The following MEIKIN variants were observed in gnomAD, a reference collection of about 807,000 sequenced individuals.
MEIKIN encodes the protein meiotic kinetochore factor.
At chr5:131,931,314 G>C (rs1370771625) in intron 5 of MEIKIN, among the ~76,000 whole-genome samples, 5 of 152,208 alleles carry the variant, frequency 3.3e-5, no homozygotes, top group African/African-American at 4.8e-5. Flanking sequence ...TCTCTCCCGA[G>C]GGAGAAGCTG....
chr5:131,918,038 C>T lies in MEIKIN; in HGVS notation c.599-1113G>A, dbSNP rs183831096. ...ACTGGTTCAGGGTAAGGCATATAAA[C>T]TAATGAAGCCCATGTGTAAGGTCCA... is the stretch of plus-strand genomic sequence containing the variant. On this transcript the variant is annotated intron_variant, in intron 6 of 12. Coordinates refer to ENST00000442687, the MANE Select transcript of MEIKIN (RefSeq NM_001303622.2). 2.9e-3 allele frequency among the ~76,000 whole-genome samples: 443 copies of T among 152,292 alleles called. 1 individual carries two copies. Among genetic ancestry groups the T allele is most frequent in the Middle Eastern group, 0.01 (3 of 294 alleles).
chr5:131,890,610 C>A (rs946392807), intron 8 of MEIKIN, among the ~76,000 whole-genome samples: 13 of 151,984 alleles, frequency 8.6e-5, no homozygotes, highest in African/African-American at 2.2e-4. Flanking sequence ...TCTCTCTTTT[C>A]TTCTTTATTA....
At chr5:131,882,679 A>G (rs984853057) in intron 8 of MEIKIN, among the ~76,000 whole-genome samples, 2 of 152,228 alleles carry the variant, frequency 1.3e-5, no homozygotes, top group African/African-American at 4.8e-5. Context: ...AATAAAATCC[A>G]TAGTCCTTAC....
intron 4 of MEIKIN, among the ~76,000 whole-genome samples, chr5:131,941,556 TG>T (rs1475347071): frequency 6.6e-6 from 1 of 152,174 alleles, no homozygotes; most frequent in Non-Finnish European, 1.5e-5. Context: ...TTCCTGCTGT[TG>T]ATATGTTCAT....
At chr5:131,837,030 T>C (rs374471363) in intron 11 of MEIKIN, among the ~76,000 whole-genome samples, 1 of 152,318 alleles carries the variant, frequency 6.6e-6, no homozygotes, top group African/African-American at 2.4e-5. Context: ...TCAATCCATC[T>C]CGAGTTGATT....
At chr5:131,813,916 C>A (rs1441116058) in intron 12 of MEIKIN, among the ~76,000 whole-genome samples, 1 of 152,112 alleles carries the variant, frequency 6.6e-6, no homozygotes, top group African/African-American at 2.4e-5. Context: ...TCTGCAAGCT[C>A]AGGAGCAAGG....
chr5:131,888,462 G>A (rs1750842374), intron 8 of MEIKIN, among the ~76,000 whole-genome samples: 1 of 152,188 alleles, frequency 6.6e-6, no homozygotes, highest in Non-Finnish European at 1.5e-5. Flanking sequence ...GATGGCCAGT[G>A]ATGATGAGCA....
At position 131,941,142 on chromosome 5, in the gene MEIKIN, C is replaced by CTTTT. The variant is rs397999274; in HGVS notation, c.349+1489_349+1492dup. Among the ~76,000 whole-genome samples the CTTTT allele has an allele frequency of 8.6e-3, 516 of 59,744 alleles. 63 individuals are homozygous for CTTTT. The highest frequency in any genetic ancestry group is 0.018 in the African/African-American group (237 of 13,108). The allele number at this position is 59,744 out of a possible 152,430, so 39.2% of individuals were successfully genotyped here. A position where few individuals can be genotyped will look rare whatever the true frequency, so the allele number is the denominator to read the frequency against. ...TTGACAATTCCTTCAAGATCTCTTC[C>CTTTT]TTTTTTTTTTTTTTTTTTTTTTTTT... is the stretch of plus-strand genomic sequence containing the variant. On this transcript the variant is annotated intron_variant, in intron 4 of 12. Coordinates refer to ENST00000442687, the MANE Select transcript of MEIKIN (RefSeq NM_001303622.2).
At chr5:131,839,372 T>A (rs1749865471) in intron 11 of MEIKIN, among the ~76,000 whole-genome samples, 1 of 152,182 alleles carries the variant, frequency 6.6e-6, no homozygotes, top group African/African-American at 2.4e-5. Flanking sequence ...TCAGGTCCAT[T>A]TGATCCAGTG....
intron 4 of MEIKIN, among the ~76,000 whole-genome samples, chr5:131,937,858 T>A (rs1027204257): frequency 6.6e-6 from 1 of 152,096 alleles, no homozygotes; most frequent in African/African-American, 2.4e-5. Flanking sequence ...TAACTTGGTG[T>A]GGTTTTTTTT....
intron 8 of MEIKIN, among the ~76,000 whole-genome samples, chr5:131,909,167 T>C (rs1198606563): frequency 1.3e-5 from 2 of 152,174 alleles, no homozygotes; most frequent in African/African-American, 2.4e-5. Context: ...CTTTAAATTA[T>C]ACTATGGCGC....
intron 11 of MEIKIN, among the ~76,000 whole-genome samples, chr5:131,835,289 T>C (rs1749787526): frequency 6.6e-6 from 1 of 151,962 alleles, no homozygotes; most frequent in South Asian, 2.1e-4. Context: ...GATATGTGGT[T>C]TGCAAATATT....
chr5:131,918,402 C>T (rs1370412115), intron 6 of MEIKIN, among the ~76,000 whole-genome samples: 1 of 152,156 alleles, frequency 6.6e-6, no homozygotes, highest in Non-Finnish European at 1.5e-5. Context: ...AGACAGCCTG[C>T]TTCTTTGAGA....
chr5:131,942,280 CTT>C (rs1372396967), intron 4 of MEIKIN, among the ~76,000 whole-genome samples: 1 of 152,224 alleles, frequency 6.6e-6, no homozygotes, highest in Non-Finnish European at 1.5e-5. Flanking sequence ...CATGTTAGAG[CTT>C]CCCTCTGCCT....
chr5:131,835,151 C>T (rs1749779536), intron 11 of MEIKIN, among the ~76,000 whole-genome samples: 1 of 133,546 alleles, frequency 7.5e-6, no homozygotes, highest in Admixed American at 7.0e-5. Flanking sequence ...TGGTTTTTTG[C>T]TAGAGTTTTG....
At chr5:131,919,375 GA>G (rs1419416123) in intron 6 of MEIKIN, among the ~76,000 whole-genome samples, 1 of 152,068 alleles carries the variant, frequency 6.6e-6, no homozygotes, top group Non-Finnish European at 1.5e-5. Flanking sequence ...CCTACCTCTG[GA>G]AATCTACCTT....
At chr5:131,869,962 T>C (rs1250065581) in intron 9 of MEIKIN, among the ~76,000 whole-genome samples, 1 of 152,202 alleles carries the variant, frequency 6.6e-6, no homozygotes, top group African/African-American at 2.4e-5. Context: ...ACTGGTGACT[T>C]TTCAGTTTTT....
chr5:131,880,906 G>T (rs1013059961), intron 8 of MEIKIN, among the ~76,000 whole-genome samples: 1 of 152,174 alleles, frequency 6.6e-6, no homozygotes, highest in Non-Finnish European at 1.5e-5. Context: ...GCACAAGCAT[G>T]AGCAATATTT....
At chr5:131,813,771 A>T (rs867098777) in intron 12 of MEIKIN, among the ~76,000 whole-genome samples, 4 of 151,940 alleles carry the variant, frequency 2.6e-5, no homozygotes, top group African/African-American at 9.7e-5. Flanking sequence ...ATTTGGCTGT[A>T]TGGTCAGGGA....
Sources: allele counts gnomAD v4.1 joint callset (sites outside exome capture counted in the v4.1 genomes callset), GRCh38; gene constraint gnomAD v4.1.1; transcripts MANE v1.5; gene names NCBI Gene and HGNC (gene_info 2026-07-23, HGNC 2026-07-21).